The following GREB1L variants were observed in gnomAD, a reference collection of about 807,000 sequenced individuals.
GREB1L encodes the protein GREB1-like protein.
A neutral mutation model predicts 200.8 loss-of-function variants in GREB1L; 17 were observed. The observed-to-expected ratio is 0.08, with a 90% CI of 0.06 to 0.13. The LOEUF (loss-of-function observed/expected upper bound fraction) is 0.13. Among genes scored for constraint, GREB1L ranks in the 10% least tolerant of loss-of-function variants. The pLI is 1.00. For synonymous variants in GREB1L, 789 were observed against 893.0 expected, an observed-to-expected ratio of 0.88 and a Z score of 2.08; for missense variants, 1,657 against 2,367.7, an observed-to-expected ratio of 0.70 and a Z score of 6.23.
intron 1 of GREB1L, among the ~76,000 whole-genome samples, chr18:21,311,503 C>T (rs1302059882): frequency 2.0e-5 from 3 of 152,162 alleles, no homozygotes; most frequent in African/African-American, 4.8e-5. Flanking sequence ...ACAAATGAGT[C>T]GTTGAAGATA....
At chr18:21,438,635 C>G (rs542270199) in intron 7 of GREB1L, among the ~76,000 whole-genome samples, 2 of 152,020 alleles carry the variant, frequency 1.3e-5, no homozygotes, top group Non-Finnish European at 2.9e-5. Context: ...CGCCACTGCA[C>G]TCTAGCCTGG....
chr18:21,286,733 A>G (rs2038363697), intron 1 of GREB1L, among the ~76,000 whole-genome samples: 1 of 152,188 alleles, frequency 6.6e-6, no homozygotes, highest in African/African-American at 2.4e-5. Context: ...AGTGACCTCA[A>G]GTGATCTGCC....
intron 7 of GREB1L, among the ~76,000 whole-genome samples, chr18:21,411,427 C>T (rs529326345): frequency 8.6e-5 from 13 of 151,888 alleles, no homozygotes; most frequent in African/African-American, 3.1e-4. Flanking sequence ...AGGATGGTCT[C>T]GATCTCCTGA....
rs544031336 is a variant in GREB1L, at chr18:21,373,143, C to T, written c.-10+7007C>T. ...TCATATCGTCTCCACTGAGAAGGCA[C>T]GCATCATCTCACTGCCTCACTTTTA... On this transcript the variant is annotated intron_variant, in intron 2 of 32. Transcript: ENST00000424526. Among the ~76,000 whole-genome samples the T allele has an allele frequency of 3.0e-4, 46 of 152,142 alleles. No homozygotes were observed. In the South Asian group the frequency reaches 3.5e-3, roughly 12 times the overall value.
chr18:21,444,214 A>G lies in GREB1L; in HGVS notation c.1208-10A>G. 5.8e-6 allele frequency: 9 copies of G among 1,546,762 alleles called. No homozygotes were observed. The highest frequency in any genetic ancestry group is 7.9e-6 in the Non-Finnish European group (9 of 1,142,618). On this transcript the variant is annotated splice_polypyrimidine_tract_variant and intron_variant, in intron 10 of 32. Transcript: ENST00000424526. ...TGTTGAACTGTACTGACCTGCTTCT[A>G]TTGGGACAGGCTATGGCACTTTACC...
At chr18:21,268,560 C>CACATATATATATATATATATATATATAT (rs1204514384) in intron 1 of GREB1L, among the ~76,000 whole-genome samples, 1 of 63,520 alleles carries the variant, frequency 1.6e-5, no homozygotes, top group African/African-American at 7.5e-5. Flanking sequence ...CACACACACA[C>CACATATATATATATATATATATATATAT]ATATATATAT....
chr18:21,471,133 C>T (rs2035465706), intron 15 of GREB1L, among the ~76,000 whole-genome samples: 2 of 152,348 alleles, frequency 1.3e-5, no homozygotes, highest in East Asian at 1.9e-4. Context: ...CAAAGATACA[C>T]AGTCATCTTT....
chr18:21,339,019 T>C (rs535170110), intron 1 of GREB1L, among the ~76,000 whole-genome samples: 5 of 152,102 alleles, frequency 3.3e-5, no homozygotes, highest in African/African-American at 1.2e-4. Flanking sequence ...CAAAACCCCG[T>C]CTCTACTAAA....
intron 1 of GREB1L, among the ~76,000 whole-genome samples, chr18:21,349,357 C>G (rs2039400573): frequency 6.6e-6 from 1 of 152,060 alleles, no homozygotes; most frequent in Non-Finnish European, 1.5e-5. Flanking sequence ...TCTCTTGCCA[C>G]TCAATCTCCA....
intron 15 of GREB1L, among the ~76,000 whole-genome samples, chr18:21,455,992 C>T (rs1598871132): frequency 6.6e-6 from 1 of 151,326 alleles, no homozygotes; most frequent in Non-Finnish European, 1.5e-5. Flanking sequence ...CAACCTCCAC[C>T]TCCTGGGTTC....
In GREB1L at chr18:21,482,653, T is replaced by TTC. The variant is rs201728878; in HGVS notation, c.2557-2966_2557-2965insCT. Among the ~76,000 whole-genome samples the TTC allele has an allele frequency of 2.4e-3, 363 of 150,456 alleles. 6 individuals carry two copies. In the East Asian group the frequency reaches 0.057, roughly 23 times the overall value. ...TGTGTAGATTACAGATTTTTTTTTT[T>TTC]TTTTTTTTTTTTACAAACAATGATC... On this transcript the variant is annotated intron_variant, in intron 17 of 32. Coordinates refer to ENST00000424526, the MANE Select transcript of GREB1L (RefSeq NM_001142966.3).
intron 7 of GREB1L, among the ~76,000 whole-genome samples, chr18:21,429,980 T>G (rs577847946): frequency 1.4e-4 from 21 of 152,304 alleles, no homozygotes; most frequent in African/African-American, 5.1e-4. Context: ...GCCTCTCTCC[T>G]TGACTTGCAG....
chr18:21,519,982 G>A (rs2037556659), intron 31 of GREB1L, among the ~76,000 whole-genome samples: 1 of 150,720 alleles, frequency 6.6e-6, no homozygotes, highest in Non-Finnish European at 1.5e-5. Context: ...GTGCAATGGT[G>A]CAATCTCGGC....
rs1031282519 is a variant in GREB1L at position 21,496,671 on chromosome 18, A to T, written c.3364A>T (p.Asn1122Tyr). 1.6e-5 allele frequency: 25 copies of T among 1,551,452 alleles called. No homozygotes were observed. The Admixed American group carries it at 4.7e-4, about 29-fold the overall frequency. ...LLIDLERPQSNSSAVTGTSGS... is the reference protein window; with the variant it reads ...LLIDLERPQSYSSAVTGTSGS... ...CATCGACCTGGAGCGGCCCCAGAGC[A>T]ACAGCAGCGCTGTCACAGGGACCTC... is the stretch of plus-strand genomic sequence containing the variant. The change falls in exon 21 of 33, where the codon AAC becomes TAC. Residue 1122 changes from asparagine to tyrosine, a missense_variant. Transcript: ENST00000424526.
intron 1 of GREB1L, among the ~76,000 whole-genome samples, chr18:21,295,026 AT>A (rs1168521811): frequency 6.6e-6 from 1 of 152,162 alleles, no homozygotes; most frequent in Non-Finnish European, 1.5e-5. Flanking sequence ...TATTTAAAAT[AT>A]TTTCTGGCTA....
Position 21,451,023 on chromosome 18 carries a change from G to C in GREB1L, c.1721G>C (p.Gly574Ala). 6.4e-7 allele frequency: 1 copy of C among 1,551,944 alleles called. No homozygotes were observed. The highest frequency in any genetic ancestry group is 8.7e-7 in the Non-Finnish European group (1 of 1,146,988). Residue 574 changes from glycine (G) to alanine (A), a missense_variant and splice_region_variant, in exon 13 of 33, where the codon GGT (glycine) becomes GCT (alanine). By Grantham distance (60) the Gly-to-Ala change is moderately conservative (BLOSUM62 0). This residue lies in a region of GREB1L where 239 missense variants were observed against 421.8 expected (regional missense o/e 0.57). Transcript: ENST00000424526. ...RGNEFCVVVLGQHQSRALAES... is the reference protein window; with the variant it reads ...RGNEFCVVVLAQHQSRALAES... ...TTCTCTTCTCTCCTCCATCCTGCAG[G>C]TCAGCACCAGTCCCGAGCTCTGGCA...
intron 23 of GREB1L, among the ~76,000 whole-genome samples, chr18:21,502,459 C>T (rs1254424915): frequency 2.6e-5 from 4 of 152,104 alleles, no homozygotes; most frequent in African/African-American, 9.7e-5. Context: ...TCTCACCTCA[C>T]TTGTTTTACC....
chr18:21,404,015 G>A, intron 7 of GREB1L, 21 bp downstream of exon 7: 7 of 1,544,212 alleles, frequency 4.5e-6, no homozygotes, highest in Non-Finnish European at 6.1e-6. Flanking sequence ...TTTTCTTTTG[G>A]CATTTCAAGC....
intron 15 of GREB1L, among the ~76,000 whole-genome samples, chr18:21,462,102 G>A (rs1243443969): frequency 6.6e-6 from 1 of 152,220 alleles, no homozygotes; most frequent in Non-Finnish European, 1.5e-5. Context: ...TCCCACTCAT[G>A]TCAAAAGTAA....
Sources: gnomAD v4.1 joint callset for allele counts (sites outside exome capture counted in the v4.1 genomes callset) on GRCh38, gnomAD v4.1.1 for gene constraint, gnomAD v4.1.1 regional missense constraint, MANE v1.5 for transcripts, NCBI Gene and HGNC (gene_info 2026-07-23, HGNC 2026-07-21) for gene names.